Variants in TMEFF1 observed in about 807,000 individuals in gnomAD.
TMEFF1 encodes the protein transmembrane protein with EGF like and two follistatin like domains 1.
TMEFF1 carries 20 observed loss-of-function variants against 47.5 expected under a neutral mutation model. The ratio of observed to expected loss-of-function variants is 0.42; its 90% CI spans 0.30 to 0.61. The LOEUF (loss-of-function observed/expected upper bound fraction) is 0.61. Ranked by LOEUF, TMEFF1 falls within the 20% of genes least tolerant of loss-of-function variation. TMEFF1 has a pLI of 0.19. For synonymous variants in TMEFF1, 162 were observed against 166.3 expected (o/e 0.97, Z 0.20); for missense variants, 411 against 471.1 (o/e 0.87, Z 1.18).
intron 5 of TMEFF1, 60 bp downstream of exon 5, chr9:100,516,831 A>G: frequency 6.4e-7 from 1 of 1,558,142 alleles, no homozygotes; most frequent in South Asian, 1.2e-5. Flanking sequence ...GTATGATTAT[A>G]TTGTGGAAAG....
At chr9:100,548,930 T>C (rs1342293446) in intron 6 of TMEFF1, among the ~76,000 whole-genome samples, 1 of 151,604 alleles carries the variant, frequency 6.6e-6, no homozygotes, top group Non-Finnish European at 1.5e-5. Flanking sequence ...AGAAGTATGG[T>C]CCCCCCACCC....
At chr9:100,509,160 A>G in intron 3 of TMEFF1, 26 bp downstream of exon 3, 1 of 1,440,418 alleles carries the variant, frequency 6.9e-7, no homozygotes, top group Non-Finnish European at 9.2e-7. Flanking sequence ...TTCTGAATAA[A>G]TTTTGGAAAA....
At chr9:100,506,080 C>T (rs971765720) in intron 2 of TMEFF1, among the ~76,000 whole-genome samples, 1 of 152,142 alleles carries the variant, frequency 6.6e-6, no homozygotes, top group African/African-American at 2.4e-5. Context: ...TCTGCTGATA[C>T]TGAATGTATA....
chr9:100,548,041 A>C, intron 6 of TMEFF1, 149 bp downstream of exon 6: 3 of 988,712 alleles, frequency 3.0e-6, no homozygotes, highest in Non-Finnish European at 3.9e-6. Flanking sequence ...ATTTTTTATT[A>C]CTAATTTAGT....
intron 1 of TMEFF1, among the ~76,000 whole-genome samples, chr9:100,487,458 G>C (rs1424176546): frequency 5.3e-5 from 8 of 152,140 alleles, no homozygotes; most frequent in Non-Finnish European, 1.2e-4. Flanking sequence ...TTAAGCCACT[G>C]CGCCCAGCCT....
At chr9:100,550,698 A>C (rs1838815302) in intron 7 of TMEFF1, among the ~76,000 whole-genome samples, 1 of 152,150 alleles carries the variant, frequency 6.6e-6, no homozygotes, top group Non-Finnish European at 1.5e-5. Context: ...CTGCCTTTTT[A>C]TTCATCTGTA....
At chr9:100,549,967 A>T in intron 6 of TMEFF1, 128 bp from the exon 7 acceptor site, 1 of 1,076,474 alleles carries the variant, frequency 9.3e-7, no homozygotes, top group Non-Finnish European at 1.3e-6. Flanking sequence ...AGAGAATGGT[A>T]GACAACATGA....
chr9:100,526,955 CAAAAAAAAAAAAA>C (rs55736750), intron 5 of TMEFF1, among the ~76,000 whole-genome samples: 2 of 38,982 alleles, frequency 5.1e-5, no homozygotes, highest in Admixed American at 8.5e-4. Flanking sequence ...GCTAAAAATA[CAAAAAAAAAAAAA>C]AAAAAAAAAA....
intron 5 of TMEFF1, among the ~76,000 whole-genome samples, chr9:100,542,784 AT>A (rs1437632470): frequency 6.6e-6 from 1 of 152,116 alleles, no homozygotes; most frequent in Non-Finnish European, 1.5e-5. Flanking sequence ...CTTCTTGGAT[AT>A]TTAGATGAGT....
chr9:100,501,624 GATTT>G (rs1462545756), intron 2 of TMEFF1, among the ~76,000 whole-genome samples: 3 of 151,908 alleles, frequency 2.0e-5, no homozygotes, highest in Non-Finnish European at 2.9e-5. Context: ...CTGCTGCTTT[GATTT>G]ATTTATTTAT....
At chr9:100,529,592 C>T (rs1838337180) in intron 5 of TMEFF1, among the ~76,000 whole-genome samples, 2 of 151,974 alleles carry the variant, frequency 1.3e-5, no homozygotes, top group Admixed American at 1.3e-4. Context: ...ATTCATAAAG[C>T]AAGTCCTGAG....
chr9:100,473,619 G>C lies in TMEFF1; in HGVS notation c.75G>C (p.Ser25=), dbSNP rs1479500411. 1 of 1,559,914 alleles carries C rather than the reference G, an allele frequency of 6.4e-7. No homozygotes were observed. Among genetic ancestry groups the C allele is most frequent in the East Asian group, 2.4e-5 (1 of 41,798 alleles). The part of the protein sequence containing the change: ...APPLAFCCYT[S]VLLLFAFSLP... The stretch of plus-strand genomic sequence containing the variant: ...CGCTCGCCTTCTGCTGCTACACGTC[G>C]GTGCTTCTGCTCTTCGCCTTCTCTC... The change falls in exon 1 of 10, where the codon TCG becomes TCC. Residue 25 remains serine, a synonymous_variant. Transcript: ENST00000374879. This position sits in a 1 kb window ranked among gnomAD's most constrained non-coding sequence, Gnocchi z 5.4.
intron 3 of TMEFF1, among the ~76,000 whole-genome samples, chr9:100,513,013 A>G (rs1022876427): frequency 2.0e-5 from 3 of 152,138 alleles, no homozygotes; most frequent in Admixed American, 6.5e-5. Context: ...AATTATTTAT[A>G]TTTAGCCTTT....
At position 100,547,919 on chromosome 9, in the gene TMEFF1, A is replaced by C. The variant is rs753576168; in HGVS notation, c.709+27A>C. On this transcript the variant is annotated intron_variant, in intron 6 of 9. Coordinates refer to ENST00000374879, the MANE Select transcript of TMEFF1 (RefSeq NM_003692.5). The stretch of plus-strand genomic sequence containing the variant: ...TAAAATCCATTTTATTTATTCAGAG[A>C]CCCATCTTTATTATTGTATAAATGT... 5 of 1,522,080 alleles carry C rather than the reference A, an allele frequency of 3.3e-6. No individual in the cohort carries two copies. In the South Asian group the frequency reaches 5.4e-5, roughly 16 times the overall value. The allele number at this position is 1,522,080 out of a possible 1,614,324, so 94.3% of individuals were successfully genotyped here.
At chr9:100,567,701 G>T (rs1288094813) in intron 8 of TMEFF1, among the ~76,000 whole-genome samples, 3 of 152,156 alleles carry the variant, frequency 2.0e-5, no homozygotes, top group African/African-American at 7.2e-5. Flanking sequence ...TGAATCCCTG[G>T]ATCTGCCTTT....
intron 7 of TMEFF1, among the ~76,000 whole-genome samples, chr9:100,553,429 G>A (rs1365271528): frequency 6.6e-6 from 1 of 152,192 alleles, no homozygotes; most frequent in East Asian, 1.9e-4. Flanking sequence ...GCTACAAAAT[G>A]AAAAGCAGGA....
intron 4 of TMEFF1, among the ~76,000 whole-genome samples, chr9:100,514,765 C>T (rs961229103): frequency 2.7e-5 from 4 of 150,694 alleles, no homozygotes; most frequent in Admixed American, 2.6e-4. Flanking sequence ...GAGGCCGAGG[C>T]GGGCGGATCA....
At chr9:100,555,089 T>G (rs1838891667) in intron 7 of TMEFF1, among the ~76,000 whole-genome samples, 1 of 152,080 alleles carries the variant, frequency 6.6e-6, no homozygotes, top group Non-Finnish European at 1.5e-5. Flanking sequence ...TGGTGGTGGA[T>G]TTGTTTCTGA....
At chr9:100,558,969 G>C (rs1052018666) in intron 7 of TMEFF1, among the ~76,000 whole-genome samples, 1 of 152,134 alleles carries the variant, frequency 6.6e-6, no homozygotes, top group Admixed American at 6.6e-5. Flanking sequence ...AAATAGTTAA[G>C]TAACTGCCTT....
Sources: gnomAD v4.1 joint callset for allele counts (sites outside exome capture counted in the v4.1 genomes callset) on GRCh38, gnomAD v4.1.1 for gene constraint, Gnocchi (gnomAD v3.1) non-coding constraint, MANE v1.5 for transcripts, NCBI Gene and HGNC (gene_info 2026-07-23, HGNC 2026-07-21) for gene names.